RIT2: variants seen among roughly 807,000 people sequenced by gnomAD.
RIT2 encodes the protein GTP-binding protein Rit2.
RIT2 carries 24 observed loss-of-function variants against 23.7 expected under a neutral mutation model. The observed-to-expected ratio is 1.01, with a 90% CI of 0.73 to 1.43. The LOEUF (loss-of-function observed/expected upper bound fraction) is 1.43, where lower values mean the gene tolerates loss of function less well. RIT2 is among the 40% of genes most tolerant of loss of function. RIT2 has a pLI of 0.00. For synonymous variants in RIT2, 107 were observed against 91.1 expected (o/e 1.17, Z -0.99); for missense variants, 236 against 266.9 (o/e 0.88, Z 0.81).
chr18:43,007,968 A>G lies in RIT2; in HGVS notation c.160+25843T>C, dbSNP rs187281564. 2.5e-3 allele frequency among the ~76,000 whole-genome samples: 381 copies of G among 151,806 alleles called. 1 individual carries two copies. The highest frequency in any genetic ancestry group is 8.6e-3 in the African/African-American group (358 of 41,506). ...GCAATTCTTTATGAATTAAGAAACT[A>G]AGCATTGATTATCAATGGCTGTTAA... On this transcript the variant is annotated intron_variant, in intron 2 of 4. Transcript: ENST00000326695.
At chr18:42,809,562 A>G (rs1417760713) in intron 4 of RIT2, among the ~76,000 whole-genome samples, 6 of 152,040 alleles carry the variant, frequency 3.9e-5, no homozygotes, top group African/African-American at 1.4e-4. Flanking sequence ...GCTACTTTGT[A>G]GAACTGATTT....
intron 4 of RIT2, among the ~76,000 whole-genome samples, chr18:42,849,969 C>A (rs565668773): frequency 6.6e-6 from 1 of 152,122 alleles, no homozygotes; most frequent in Admixed American, 6.6e-5. Flanking sequence ...CAATAATAGT[C>A]CACAATTCTT....
At chr18:42,875,372 A>G (rs1377622610) in intron 4 of RIT2, among the ~76,000 whole-genome samples, 5 of 150,760 alleles carry the variant, frequency 3.3e-5, no homozygotes, top group Non-Finnish European at 7.4e-5. Flanking sequence ...CCTACTTCAT[A>G]GAATTTTTGT....
chr18:42,890,647 A>G (rs1345651542), intron 4 of RIT2, among the ~76,000 whole-genome samples: 1 of 152,054 alleles, frequency 6.6e-6, no homozygotes, highest in Admixed American at 6.6e-5. Context: ...GCCAACAAAA[A>G]GGTCCAGAAT....
intron 4 of RIT2, among the ~76,000 whole-genome samples, chr18:42,790,465 C>T (rs1017282027): frequency 3.9e-5 from 6 of 152,160 alleles, no homozygotes; most frequent in African/African-American, 1.2e-4. Flanking sequence ...TTTTTTGAGA[C>T]GGAGTCTCAC....
intron 1 of RIT2, among the ~76,000 whole-genome samples, chr18:43,065,754 TTA>T (rs1358545657): frequency 6.6e-6 from 1 of 151,322 alleles, no homozygotes; most frequent in Non-Finnish European, 1.5e-5. Flanking sequence ...TAACTCCCAC[TTA>T]TGTGATCATG....
intron 4 of RIT2, among the ~76,000 whole-genome samples, chr18:42,831,614 A>G (rs2144009210): frequency 6.6e-6 from 1 of 152,232 alleles, no homozygotes; most frequent in East Asian, 1.9e-4. Flanking sequence ...AGGAAATGTG[A>G]CGGAGGGTCT....
At chr18:43,026,366 C>G (rs1223679099) in intron 2 of RIT2, among the ~76,000 whole-genome samples, 2 of 151,786 alleles carry the variant, frequency 1.3e-5, no homozygotes, top group East Asian at 3.9e-4. Context: ...ACGTCCTGAC[C>G]AACATGGTGA....
At chr18:42,984,833 G>A (rs1048237821) in intron 2 of RIT2, among the ~76,000 whole-genome samples, 113 of 152,036 alleles carry the variant, frequency 7.4e-4, no homozygotes, top group Admixed American at 1.8e-3. Context: ...ATGATTTATA[G>A]AAAAATACTA....
At chr18:42,861,454 G>C (rs1472297521) in intron 4 of RIT2, among the ~76,000 whole-genome samples, 1 of 152,048 alleles carries the variant, frequency 6.6e-6, no homozygotes, top group Non-Finnish European at 1.5e-5. Context: ...TTTCTTTCTT[G>C]CCTTTTAGTC....
intron 3 of RIT2, among the ~76,000 whole-genome samples, chr18:42,941,985 T>A (rs1295076105): frequency 1.3e-5 from 2 of 152,104 alleles, no homozygotes; most frequent in Admixed American, 6.6e-5. Context: ...GTCATTTCCA[T>A]TATAGCAGTT....
intron 4 of RIT2, among the ~76,000 whole-genome samples, chr18:42,909,229 C>T (rs1908703631): frequency 6.6e-6 from 1 of 152,068 alleles, no homozygotes; most frequent in Non-Finnish European, 1.5e-5. Context: ...GAATACAAAA[C>T]CAAATATCAT....
chr18:43,000,456 C>T lies in RIT2; in HGVS notation c.161-26309G>A, dbSNP rs138732730. Reference sequence around the variant, plus strand: ...ATTTTCAAAGGATGTTTTGTTTTTCCTTCTTAATATCTATGGACAGGATGA... The same window carrying T: ...ATTTTCAAAGGATGTTTTGTTTTTCTTTCTTAATATCTATGGACAGGATGA... On this transcript the variant is annotated intron_variant, in intron 2 of 4. Coordinates refer to ENST00000326695, the MANE Select transcript of RIT2 (RefSeq NM_002930.4). Among the ~76,000 whole-genome samples the T allele has an allele frequency of 3.6e-3, 550 of 152,030 alleles. 3 individuals are homozygous for T. Among genetic ancestry groups the T allele is most frequent in the African/African-American group, 0.011 (467 of 41,502 alleles).
intron 4 of RIT2, among the ~76,000 whole-genome samples, chr18:42,845,844 T>G (rs549620272): frequency 1.3e-5 from 2 of 151,934 alleles, no homozygotes; most frequent in East Asian, 3.9e-4. Flanking sequence ...AAAAAATACT[T>G]TCAAATATTT....
intron 4 of RIT2, among the ~76,000 whole-genome samples, chr18:42,779,322 G>A (rs934273787): frequency 6.6e-5 from 10 of 152,014 alleles, no homozygotes; most frequent in Non-Finnish European, 1.3e-4. Flanking sequence ...AAAAAAGATA[G>A]AGCCCCTGTC....
At chr18:42,985,510 T>C (rs1910689066) in intron 2 of RIT2, among the ~76,000 whole-genome samples, 1 of 152,162 alleles carries the variant, frequency 6.6e-6, no homozygotes, top group Non-Finnish European at 1.5e-5. Flanking sequence ...TTACTGTTAA[T>C]TCATAGCAGT....
chr18:43,032,476 A>AT (rs1166781785), intron 2 of RIT2, among the ~76,000 whole-genome samples: 1 of 152,060 alleles, frequency 6.6e-6, no homozygotes, highest in Non-Finnish European at 1.5e-5. Flanking sequence ...AGATTCAGAG[A>AT]TTTTTCCAAA....
intron 2 of RIT2, among the ~76,000 whole-genome samples, chr18:42,974,688 C>A (rs1204089739): frequency 1.3e-5 from 2 of 151,978 alleles, no homozygotes; most frequent in African/African-American, 2.4e-5. Context: ...TACATACATG[C>A]AAACCCTAAA....
chr18:42,795,419 G>A (rs542231285), intron 4 of RIT2, among the ~76,000 whole-genome samples: 2 of 152,242 alleles, frequency 1.3e-5, no homozygotes, highest in Non-Finnish European at 2.9e-5. Flanking sequence ...AGCAGTGCCA[G>A]CCCACTGGCG....
Sources: gnomAD v4.1 joint callset for allele counts (sites outside exome capture counted in the v4.1 genomes callset) on GRCh38, gnomAD v4.1.1 for gene constraint, MANE v1.5 for transcripts, NCBI Gene and HGNC (gene_info 2026-07-23, HGNC 2026-07-21) for gene names.